Variants in NINL observed in about 807,000 individuals in gnomAD.
NINL encodes the protein ninein like, also known as ninein-like protein.
Under a neutral mutation model 160.3 loss-of-function variants are expected in NINL, and 153 were observed. That is an observed-to-expected ratio of 0.95 (90% CI 0.84 to 1.09). The LOEUF (loss-of-function observed/expected upper bound fraction) is 1.09. Among genes scored for constraint, NINL ranks in the 50% least tolerant of loss-of-function variants. The pLI is 0.00. For missense variants in NINL, 1,829 were observed against 1,764.0 expected, an observed-to-expected ratio of 1.04 and a Z score of -0.66; for synonymous variants, 800 against 734.8, an observed-to-expected ratio of 1.09 and a Z score of -1.43.
intron 10 of NINL, among the ~76,000 whole-genome samples, chr20:25,493,881 T>C (rs974016220): frequency 6.6e-6 from 1 of 152,120 alleles, no homozygotes; most frequent in African/African-American, 2.4e-5. Context: ...TGCCTGCACC[T>C]GTCCCTGTAC....
At chr20:25,514,785 T>C (rs543581521) in intron 3 of NINL, among the ~76,000 whole-genome samples, 10 of 152,296 alleles carry the variant, frequency 6.6e-5, no homozygotes, top group Middle Eastern at 6.8e-3. Flanking sequence ...GGGCCAAAAA[T>C]ATCTCAGGCT....
At chr20:25,495,300 A>C (rs1268198432) in intron 10 of NINL, among the ~76,000 whole-genome samples, 1 of 152,200 alleles carries the variant, frequency 6.6e-6, no homozygotes, top group Non-Finnish European at 1.5e-5. Flanking sequence ...TCCCATCTGC[A>C]GGCTCACCCT....
intron 9 of NINL, 106 bp downstream of exon 9, chr20:25,498,104 G>T: frequency 7.4e-7 from 1 of 1,359,112 alleles, no homozygotes; most frequent in Non-Finnish European, 1.0e-6. Context: ...GACTGGCCAT[G>T]TGGGGTGGAT....
intron 13 of NINL, among the ~76,000 whole-genome samples, chr20:25,484,722 T>G (rs557300485): frequency 1.1e-4 from 17 of 152,328 alleles, no homozygotes; most frequent in African/African-American, 4.1e-4. Flanking sequence ...GTGGAGGGGC[T>G]GCTAAGCAGG....
At chr20:25,563,617 T>C (rs1305266669) in intron 1 of NINL, among the ~76,000 whole-genome samples, 1 of 152,248 alleles carries the variant, frequency 6.6e-6, no homozygotes. Context: ...CTGAATGTTC[T>C]TTAAAACAGA....
At chr20:25,527,562 G>T (rs1473116257) in intron 1 of NINL, among the ~76,000 whole-genome samples, 3 of 151,504 alleles carry the variant, frequency 2.0e-5, no homozygotes, top group African/African-American at 7.3e-5. Context: ...TGTACTAAAT[G>T]AAAGTGCTTA....
At chr20:25,561,172 G>A (rs941410361) in intron 1 of NINL, among the ~76,000 whole-genome samples, 4 of 152,106 alleles carry the variant, frequency 2.6e-5, no homozygotes, top group African/African-American at 9.7e-5. Context: ...GAGTGCCTGC[G>A]ATTGCAGGCG....
intron 9 of NINL, 122 bp from the exon 10 acceptor site, chr20:25,496,925 G>C: frequency 7.7e-7 from 1 of 1,291,484 alleles, no homozygotes; most frequent in Non-Finnish European, 1.1e-6. Flanking sequence ...CTATACAGCG[G>C]GCACTGCTCC....
At chr20:25,565,425 G>A (rs2064988945) in intron 1 of NINL, among the ~76,000 whole-genome samples, 1 of 152,016 alleles carries the variant, frequency 6.6e-6, no homozygotes, top group African/African-American at 2.4e-5. Flanking sequence ...AGAGAGGCAG[G>A]GAGGGAGGGA....
At position 25,549,209 on chromosome 20, in the gene NINL, AC is replaced by A. The variant is rs142243491; in HGVS notation, c.-11-22612del. On this transcript the variant is annotated intron_variant, in intron 1 of 23. Coordinates refer to ENST00000278886, the MANE Select transcript of NINL (RefSeq NM_025176.6). ...CCACACCCAGCCTCACCCAGGCCTG[AC>A]CCCGGCACCCACGGCCAAACCTCCC... 7.1e-3 allele frequency among the ~76,000 whole-genome samples: 751 copies of A among 106,206 alleles called. 34 individuals are homozygous for A. Among genetic ancestry groups the A allele is most frequent in the African/African-American group, 0.016 (328 of 20,822 alleles). The allele number at this position is 106,206 out of a possible 152,430, so 69.7% of individuals were successfully genotyped here.
intron 1 of NINL, among the ~76,000 whole-genome samples, chr20:25,559,401 CAACT>C (rs1600341428): frequency 2.0e-5 from 3 of 152,222 alleles, no homozygotes; most frequent in Middle Eastern, 3.4e-3. Flanking sequence ...CCGCCACACC[CAACT>C]AATTTTTGTA....
chr20:25,475,929 T>C (rs2063220612), intron 17 of NINL, 114 bp downstream of exon 17: 10 of 1,105,096 alleles, frequency 9.0e-6, no homozygotes, highest in South Asian at 7.7e-5. Context: ...CATCAGGGGC[T>C]GCGAGCTTGT....
At chr20:25,489,815 C>T (rs999971244) in intron 12 of NINL, 60 bp downstream of exon 12, 1 of 1,443,452 alleles carries the variant, frequency 6.9e-7, no homozygotes, top group East Asian at 2.3e-5. Flanking sequence ...ACCCCCGCCA[C>T]CCCCACTCTG....
chr20:25,457,507 T>A (rs1399423209), intron 22 of NINL, among the ~76,000 whole-genome samples: 1 of 152,248 alleles, frequency 6.6e-6, no homozygotes, highest in African/African-American at 2.4e-5. Context: ...TCTAGGGGGA[T>A]TCTCCTTAAC....
intron 8 of NINL, chr20:25,498,870 G>C: frequency 1.0e-6 from 1 of 981,318 alleles, no homozygotes; most frequent in Non-Finnish European, 1.2e-6. Flanking sequence ...ACAGAAATGT[G>C]AAGAATACAC....
chr20:25,459,919 A>G (rs1368274222), intron 21 of NINL, among the ~76,000 whole-genome samples: 1 of 152,116 alleles, frequency 6.6e-6, no homozygotes, highest in Non-Finnish European at 1.5e-5. Flanking sequence ...ACTGGAAACA[A>G]GGACATTTGT....
At chr20:25,489,381 C>G (rs1357634605) in intron 12 of NINL, 57 bp from the exon 13 acceptor site, 2 of 1,495,558 alleles carry the variant, frequency 1.3e-6, no homozygotes, top group Non-Finnish European at 1.9e-6. Flanking sequence ...GGGGGACCTG[C>G]TTCTCCAGCC....
intron 1 of NINL, among the ~76,000 whole-genome samples, chr20:25,563,261 C>A (rs1314438310): frequency 6.6e-6 from 1 of 152,174 alleles, no homozygotes; most frequent in Non-Finnish European, 1.5e-5. Flanking sequence ...TCTCAACATA[C>A]CTAGATCTAC....
intron 3 of NINL, among the ~76,000 whole-genome samples, 185 bp from the exon 4 acceptor site, chr20:25,513,191 C>T (rs1018437403): frequency 6.6e-6 from 1 of 152,146 alleles, no homozygotes; most frequent in Non-Finnish European, 1.5e-5. Context: ...ATTCTATGAC[C>T]TTGGGTGGGA....
Sources: allele counts gnomAD v4.1 joint callset (sites outside exome capture counted in the v4.1 genomes callset), GRCh38; gene constraint gnomAD v4.1.1; transcripts MANE v1.5; gene names NCBI Gene and HGNC (gene_info 2026-07-23, HGNC 2026-07-21).